The following LARS2 variants were observed in gnomAD, a reference collection of about 807,000 sequenced individuals.
LARS2 encodes leucine--tRNA ligase, mitochondrial.
Under a neutral mutation model 116.6 loss-of-function variants are expected in LARS2, and 81 were observed. The observed-to-expected ratio is 0.69, with a 90% CI of 0.58 to 0.84. LARS2 has a LOEUF of 0.84. LARS2 is among the 40% of genes least tolerant of loss of function. The pLI is 0.00. For missense variants in LARS2, 968 were observed against 1,114.5 expected, an observed-to-expected ratio of 0.87 and a Z score of 1.87; for synonymous variants, 396 against 407.2, an observed-to-expected ratio of 0.97 and a Z score of 0.33.
intron 13 of LARS2, 78 bp downstream of exon 13, chr3:45,491,878 C>G (rs1468667079): frequency 7.3e-7 from 1 of 1,374,712 alleles, no homozygotes; most frequent in East Asian, 2.3e-5. Context: ...CCTCCTCCCT[C>G]CTGGTGCTAA....
At chr3:45,484,616 A>T (rs1699762264) in intron 10 of LARS2, among the ~76,000 whole-genome samples, 3 of 13,622 alleles carry the variant, frequency 2.2e-4, no homozygotes, top group Non-Finnish European at 8.8e-4. Flanking sequence ...AAAAAAAAAA[A>T]AAAAAAAAAA....
chr3:45,440,574 G>T (rs1698888738), intron 6 of LARS2, among the ~76,000 whole-genome samples: 2 of 141,556 alleles, frequency 1.4e-5, no homozygotes, highest in Non-Finnish European at 3.2e-5. Flanking sequence ...GTTGCCTCGG[G>T]TTTTTTGTTT....
intron 4 of LARS2, among the ~76,000 whole-genome samples, chr3:45,403,825 C>T (rs1698193114): frequency 6.6e-6 from 1 of 152,100 alleles, no homozygotes; most frequent in Non-Finnish European, 1.5e-5. Flanking sequence ...AATTGAACAA[C>T]CTAGATTTGA....
chr3:45,402,126 C>T (rs1698164251), intron 4 of LARS2, among the ~76,000 whole-genome samples: 1 of 152,150 alleles, frequency 6.6e-6, no homozygotes, highest in African/African-American at 2.4e-5. Context: ...ATTAATTAAC[C>T]TCTTCAACAC....
At position 45,524,012 on chromosome 3, in the gene LARS2, G is replaced by A. The variant is rs143901188; in HGVS notation, c.2308G>A (p.Val770Ile). Reference protein sequence around the residue: ...SNALSQASQSVILHSPEFEDA... With the variant: ...SNALSQASQSIILHSPEFEDA... The stretch of plus-strand genomic sequence containing the variant: ...TCTTCCTTAGCAAGCCTCTCAGAGC[G>A]TCATTCTCCACAGCCCCGAGTTTGA... The change falls in exon 20 of 22, where the codon GTC (valine) becomes ATC (isoleucine). Residue 770 changes from valine to isoleucine, a missense_variant. By Grantham distance (29) the Val-to-Ile change is conservative (BLOSUM62 3). Coordinates refer to ENST00000645846, the MANE Select transcript of LARS2 (RefSeq NM_015340.4). 42 of 1,613,492 alleles carry A rather than the reference G, an allele frequency of 2.6e-5. No homozygotes were observed. Among genetic ancestry groups the A allele is most frequent in the African/African-American group, 2.5e-4 (19 of 74,816 alleles).
At chr3:45,494,375 C>T (rs73072117) in intron 13 of LARS2, among the ~76,000 whole-genome samples, 4,301 of 152,264 alleles carry the variant, frequency 0.028, 84 homozygotes, top group Non-Finnish European at 0.049. Flanking sequence ...ATTAAAAATA[C>T]ACTCAAGCCC....
chr3:45,495,892 G>C (rs1364525866), intron 13 of LARS2, among the ~76,000 whole-genome samples: 1 of 149,886 alleles, frequency 6.7e-6, no homozygotes, highest in Non-Finnish European at 1.5e-5. Flanking sequence ...ACAGAGTCTT[G>C]CTATGTCACC....
At chr3:45,417,097 A>T (rs1026510718) in intron 4 of LARS2, among the ~76,000 whole-genome samples, 4 of 151,190 alleles carry the variant, frequency 2.6e-5, no homozygotes, top group African/African-American at 7.3e-5. Flanking sequence ...CAAAAAAAAA[A>T]ACTGACATGA....
intron 20 of LARS2, among the ~76,000 whole-genome samples, chr3:45,541,372 C>A (rs1334700155): frequency 6.6e-6 from 1 of 152,032 alleles, no homozygotes; most frequent in South Asian, 2.1e-4. Context: ...AGTGTCCTGC[C>A]GTTCACTGCA....
intron 6 of LARS2, among the ~76,000 whole-genome samples, chr3:45,425,898 T>C (rs1698586475): frequency 7.5e-6 from 1 of 134,200 alleles, no homozygotes; most frequent in South Asian, 2.8e-4. Context: ...TATAAGCCTT[T>C]TTTTTTTTCT....
chr3:45,457,599 A>G (rs1699234046), intron 7 of LARS2, among the ~76,000 whole-genome samples: 1 of 152,108 alleles, frequency 6.6e-6, no homozygotes, highest in South Asian at 2.1e-4. Context: ...AATCGCTTGA[A>G]CCCAGGAGGC....
intron 3 of LARS2, among the ~76,000 whole-genome samples, chr3:45,397,212 C>T (rs942876685): frequency 5.9e-5 from 9 of 152,162 alleles, no homozygotes; most frequent in Admixed American, 3.3e-4. Flanking sequence ...CCCTTTCAAT[C>T]AGATTCTTGC....
chr3:45,450,207 A>G (rs889498736), intron 7 of LARS2, among the ~76,000 whole-genome samples: 1 of 152,210 alleles, frequency 6.6e-6, no homozygotes, highest in African/African-American at 2.4e-5. Context: ...TAATTGGGAT[A>G]TCCATCACCT....
intron 20 of LARS2, among the ~76,000 whole-genome samples, chr3:45,536,483 G>A (rs932401228): frequency 1.3e-5 from 2 of 152,172 alleles, no homozygotes; most frequent in African/African-American, 4.8e-5. Flanking sequence ...ACTGTCTGAG[G>A]CAGGCATTCC....
At chr3:45,412,050 T>C (rs138271480) in intron 4 of LARS2, among the ~76,000 whole-genome samples, 89 of 152,352 alleles carry the variant, frequency 5.8e-4, no homozygotes, top group African/African-American at 2.0e-3. Context: ...CATAGTATTC[T>C]ATGCTGTAAA....
At chr3:45,410,516 G>T (rs1698314196) in intron 4 of LARS2, among the ~76,000 whole-genome samples, 1 of 152,100 alleles carries the variant, frequency 6.6e-6, no homozygotes, top group Non-Finnish European at 1.5e-5. Flanking sequence ...CAAAAAGGGA[G>T]GCTTTGTTTT....
intron 6 of LARS2, among the ~76,000 whole-genome samples, chr3:45,431,293 G>T (rs1698708132): frequency 6.6e-6 from 1 of 152,160 alleles, no homozygotes; most frequent in South Asian, 2.1e-4. Context: ...AGCCCAAGCT[G>T]ACTAAGATAA....
intron 8 of LARS2, among the ~76,000 whole-genome samples, chr3:45,463,980 A>G (rs984549260): frequency 3.9e-5 from 6 of 152,142 alleles, no homozygotes; most frequent in African/African-American, 1.4e-4. Context: ...CTTATTCTTC[A>G]TCAAGGATTT....
intron 15 of LARS2, among the ~76,000 whole-genome samples, chr3:45,509,843 C>G (rs540648431): frequency 6.6e-6 from 1 of 152,026 alleles, no homozygotes; most frequent in East Asian, 1.9e-4. Context: ...CGGGGCATTC[C>G]CCTGCTCTCA....
Sources: allele counts gnomAD v4.1 joint callset (sites outside exome capture counted in the v4.1 genomes callset), GRCh38; gene constraint gnomAD v4.1.1; transcripts MANE v1.5; gene names NCBI Gene and HGNC (gene_info 2026-07-23, HGNC 2026-07-21).